The following DPT variants were observed in gnomAD, a reference collection of about 807,000 sequenced individuals.
DPT encodes dermatopontin.
DPT carries 21 observed loss-of-function variants against 31.2 expected under a neutral mutation model. The ratio of observed to expected loss-of-function variants is 0.67; its 90% CI spans 0.48 to 0.97. The LOEUF (loss-of-function observed/expected upper bound fraction) is 0.97, where lower values mean the gene tolerates loss of function less well. Among genes scored for constraint, DPT ranks in the 50% least tolerant of loss-of-function variants. DPT has a pLI of 0.00. For synonymous variants in DPT, 91 were observed against 86.9 expected (o/e 1.05, Z -0.26); for missense variants, 262 against 258.8 (o/e 1.01, Z -0.08).
intron 2 of DPT, among the ~76,000 whole-genome samples, chr1:168,703,482 T>C (rs1180171110): frequency 1.3e-5 from 2 of 152,260 alleles, no homozygotes; most frequent in African/African-American, 4.8e-5. Context: ...ATAAGCCCCC[T>C]GTCTAACTGG....
chr1:168,710,329 T>A (rs542155724), intron 2 of DPT, among the ~76,000 whole-genome samples: 34 of 152,226 alleles, frequency 2.2e-4, no homozygotes, highest in Admixed American at 1.0e-3. Flanking sequence ...AACCACACCT[T>A]AGTGGGACTT....
At chr1:168,704,594 G>GT (rs1557846834) in intron 2 of DPT, among the ~76,000 whole-genome samples, 12 of 150,788 alleles carry the variant, frequency 8.0e-5, no homozygotes, top group African/African-American at 2.9e-4. Context: ...GTGTGTGTGG[G>GT]GTGTGTGTGT....
chr1:168,712,454 T>G (rs1255035626), intron 2 of DPT, among the ~76,000 whole-genome samples: 1 of 152,228 alleles, frequency 6.6e-6, no homozygotes, highest in Non-Finnish European at 1.5e-5. Flanking sequence ...GTAAATAAAT[T>G]CACTGACTGA....
At position 168,697,232 on chromosome 1, in the gene DPT, C is replaced by T. The variant is rs138789018; in HGVS notation, c.540-617G>A. On this transcript the variant is annotated intron_variant, in intron 3 of 3. Transcript: ENST00000367817. Reference sequence around the variant, plus strand: ...TGAACCGAGATGGTGCCACTGCACTCCAGCCTGGGTGACAGAGTGAAACCC... The same window carrying T: ...TGAACCGAGATGGTGCCACTGCACTTCAGCCTGGGTGACAGAGTGAAACCC... 6.4e-3 allele frequency among the ~76,000 whole-genome samples: 967 copies of T among 152,146 alleles called. 8 individuals are homozygous for T. Among genetic ancestry groups the T allele is most frequent in the African/African-American group, 0.022 (919 of 41,516 alleles).
chr1:168,723,813 G>A (rs1650176369), intron 1 of DPT, among the ~76,000 whole-genome samples: 1 of 152,118 alleles, frequency 6.6e-6, no homozygotes, highest in African/African-American at 2.4e-5. Context: ...TATTTGTGCT[G>A]CATCCTTATA....
At chr1:168,717,623 T>A (rs988652147) in intron 1 of DPT, among the ~76,000 whole-genome samples, 1 of 152,204 alleles carries the variant, frequency 6.6e-6, no homozygotes, top group African/African-American at 2.4e-5. Context: ...TATTATGAAG[T>A]CTTTGTCCAT....
At chr1:168,699,049 G>A (rs1300575614) in intron 3 of DPT, among the ~76,000 whole-genome samples, 4 of 152,030 alleles carry the variant, frequency 2.6e-5, no homozygotes, top group Non-Finnish European at 5.9e-5. Flanking sequence ...CCACATAACC[G>A]AAAAATTTAC....
chr1:168,719,220 C>G (rs1333001462), intron 1 of DPT, among the ~76,000 whole-genome samples: 2 of 152,182 alleles, frequency 1.3e-5, no homozygotes, highest in Non-Finnish European at 2.9e-5. Flanking sequence ...GGTGAGCAAT[C>G]CCTTTTCTTG....
chr1:168,696,550 T>A lies in DPT; in HGVS notation c.605A>T (p.Ter202LeuextTer43), dbSNP rs753161650. Reference sequence around the variant, plus strand: ...ACCCAGATTTGGTATGTGGCAAATCTAAACATTTGCAAATTCACAGTCGTA... The same window carrying A: ...ACCCAGATTTGGTATGTGGCAAATCAAAACATTTGCAAATTCACAGTCGTA... The part of the protein sequence containing the change: ...TEYDCEFANV[*>L] Residue 202 changes from the stop codon to leucine, a stop_lost, in exon 4 of 4, where the codon TAG becomes TTG. Coordinates refer to ENST00000367817, the MANE Select transcript of DPT (RefSeq NM_001937.5). The A allele has an allele frequency of 6.2e-7, 1 of 1,613,928 alleles. No homozygotes were observed. Among genetic ancestry groups the A allele is most frequent in the South Asian group, 1.1e-5 (1 of 91,054 alleles).
chr1:168,701,534 A>G (rs1315850094), intron 2 of DPT, among the ~76,000 whole-genome samples: 2 of 152,232 alleles, frequency 1.3e-5, no homozygotes, highest in African/African-American at 4.8e-5. Flanking sequence ...TAAAATAGAA[A>G]AGAAAATATA....
At chr1:168,708,652 T>C (rs1649776775) in intron 2 of DPT, among the ~76,000 whole-genome samples, 1 of 152,208 alleles carries the variant, frequency 6.6e-6, no homozygotes, top group Non-Finnish European at 1.5e-5. Flanking sequence ...TGCGCCAGGT[T>C]GGTGTGCTGC....
chr1:168,725,326 TTCTC>T (rs974287561), intron 1 of DPT, among the ~76,000 whole-genome samples: 7 of 149,264 alleles, frequency 4.7e-5, no homozygotes, highest in South Asian at 4.5e-4. Flanking sequence ...CCTCCCTTCC[TTCTC>T]TCTCTCTCTT....
Position 168,715,133 on chromosome 1 carries a change from T to C in DPT, c.306-787A>G, listed in dbSNP as rs139232181. On this transcript the variant is annotated intron_variant, in intron 1 of 3. Transcript: ENST00000367817. ...TCCTGTCCTAGCTGCTTAGTCCTAA[T>C]TCTTCAAATATATAACCGCTCCACT... Among the ~76,000 whole-genome samples the C allele has an allele frequency of 1.9e-3, 287 of 152,330 alleles. 4 individuals carry two copies. Among genetic ancestry groups the C allele is most frequent in the African/African-American group, 6.2e-3 (258 of 41,584 alleles).
chr1:168,722,004 G>A (rs1307976221), intron 1 of DPT, among the ~76,000 whole-genome samples: 3 of 152,320 alleles, frequency 2.0e-5, no homozygotes, highest in Non-Finnish European at 4.4e-5. Context: ...ACAGGACAGA[G>A]CGAGAATGCC....
At chr1:168,727,938 G>A (rs546914777) in intron 1 of DPT, among the ~76,000 whole-genome samples, 9 of 152,218 alleles carry the variant, frequency 5.9e-5, no homozygotes, top group African/African-American at 1.9e-4. Flanking sequence ...CCCTCCAGGT[G>A]GGCTTCCTCC....
intron 1 of DPT, among the ~76,000 whole-genome samples, chr1:168,725,274 T>A (rs1248000862): frequency 1.2e-5 from 1 of 82,556 alleles, no homozygotes; most frequent in Non-Finnish European, 2.2e-5. Context: ...CCTTTCTTCC[T>A]TCCTTCTTTC....
intron 1 of DPT, among the ~76,000 whole-genome samples, chr1:168,724,511 A>C (rs139618569): frequency 3.4e-4 from 52 of 152,302 alleles, no homozygotes; most frequent in African/African-American, 1.1e-3. Context: ...CCCTGTGTTC[A>C]TGAAGCTTAT....
At chr1:168,727,952 C>T (rs1272189527) in intron 1 of DPT, among the ~76,000 whole-genome samples, 1 of 152,134 alleles carries the variant, frequency 6.6e-6, no homozygotes, top group African/African-American at 2.4e-5. Context: ...TTCCTCCTCC[C>T]TGGACTGCCT....
intron 2 of DPT, among the ~76,000 whole-genome samples, chr1:168,710,999 C>CTT (rs770932865): frequency 2.7e-5 from 4 of 147,474 alleles, no homozygotes; most frequent in Non-Finnish European, 4.5e-5. Context: ...GACAACTTTG[C>CTT]TTTTTTTTTT....
Sources: allele counts gnomAD v4.1 joint callset (sites outside exome capture counted in the v4.1 genomes callset), GRCh38; gene constraint gnomAD v4.1.1; transcripts MANE v1.5; gene names NCBI Gene and HGNC (gene_info 2026-07-23, HGNC 2026-07-21).